The following BRF1 variants were observed in gnomAD, a reference collection of about 807,000 sequenced individuals.
The protein encoded by BRF1 is BRF1 general transcription factor IIIB subunit.
A neutral mutation model predicts 81.7 loss-of-function variants in BRF1; 59 were observed. That is an observed-to-expected ratio of 0.72 (90% CI 0.59 to 0.90). The LOEUF (loss-of-function observed/expected upper bound fraction) is 0.90. Among genes scored for constraint, BRF1 ranks in the 40% least tolerant of loss-of-function variants. The pLI is 0.00. For synonymous variants in BRF1, 491 were observed against 395.6 expected (o/e 1.24, Z -2.86); for missense variants, 1,050 against 936.3 (o/e 1.12, Z -1.58).
chr14:105,211,411 C>CT (rs1020722425), intron 16 of BRF1, 118 bp from the exon 17 acceptor site: 1 of 1,027,718 alleles, frequency 9.7e-7, no homozygotes, highest in Non-Finnish European at 1.4e-6. Flanking sequence ...ACACCAGTGG[C>CT]TCCCGGGGTT....
In BRF1 at chr14:105,253,243, G is replaced by A. The variant is rs3784221; in HGVS notation, c.472-664C>T. 3.3e-3 allele frequency among the ~76,000 whole-genome samples: 504 copies of A among 152,312 alleles called. 3 individuals are homozygous for A. The highest frequency in any genetic ancestry group is 0.014 in the East Asian group (75 of 5,176). ...CCTGTGCACAGCCCTGCCGTGGGCC[G>A]AGTACCCCTAAGGAGCCCTGCTGGC... On this transcript the variant is annotated intron_variant, in intron 4 of 17. Coordinates refer to ENST00000547530, the MANE Select transcript of BRF1 (RefSeq NM_001519.4).
rs1233594611 is a variant in BRF1 at position 105,209,814 on chromosome 14, C to A, written c.*737G>T. The A allele has an allele frequency of 3.9e-6, 2 of 513,374 alleles. No homozygotes were observed. Among genetic ancestry groups the A allele is most frequent in the African/African-American group, 4.0e-5 (2 of 50,086 alleles). 31.8% of individuals were successfully genotyped at this position (513,374 alleles called of 1,614,324 possible). On this transcript the variant is annotated 3_prime_UTR_variant, in exon 18 of 18. Transcript: ENST00000547530. ...TCTCAGCTGTCGGGCACTCAGTTCA[C>A]CTGCCGGCAGCCGCAGGGCTCCTGG...
In BRF1 at chr14:105,271,928, T is replaced by C. The variant is rs1327683594; in HGVS notation, c.439+793A>G. Reference sequence around the variant, plus strand: ...GTCGGCGGCCTCCCCGCCCACCGCCTGCAGTCACGGTGTCCACGCACAAGG... The same window carrying C: ...GTCGGCGGCCTCCCCGCCCACCGCCCGCAGTCACGGTGTCCACGCACAAGG... On this transcript the variant is annotated intron_variant, in intron 3 of 17. Transcript: ENST00000547530. This position sits in a 1 kb window ranked among gnomAD's most constrained non-coding sequence, Gnocchi z 5.5. Among the ~76,000 whole-genome samples the C allele has an allele frequency of 0.03, 333 of 11,086 alleles. 4 individuals carry two copies. The highest frequency in any genetic ancestry group is 0.061 in the South Asian group (14 of 230). 7.3% of individuals were successfully genotyped at this position (11,086 alleles called of 152,430 possible).
At position 105,217,398 on chromosome 14, in the gene BRF1, C is replaced by G. The variant is rs1457335865; in HGVS notation, c.1772+146G>C. The G allele has an allele frequency of 2.3e-6, 3 of 1,306,330 alleles. 1 individual carries two copies. The highest frequency in any genetic ancestry group is 4.5e-5 in the Admixed American group (2 of 44,010). The allele number at this position is 1,306,330 out of a possible 1,614,324, so 80.9% of individuals were successfully genotyped here. On this transcript the variant is annotated intron_variant, in intron 15 of 17. Transcript: ENST00000547530. Reference sequence around the variant, plus strand: ...CTGTCAAGGTGCCGGAGAAGGCCCACCAGTCCCCAGCATGCAGGTGGCAAA... The same window carrying G: ...CTGTCAAGGTGCCGGAGAAGGCCCAGCAGTCCCCAGCATGCAGGTGGCAAA...
intron 5 of BRF1, among the ~76,000 whole-genome samples, chr14:105,245,603 C>G (rs1334873937): frequency 1.3e-5 from 2 of 151,322 alleles, no homozygotes; most frequent in Non-Finnish European, 2.9e-5. Context: ...GACAGGACAG[C>G]ACAGGGCCAG....
chr14:105,298,106 G>A (rs1018277798), intron 1 of BRF1, among the ~76,000 whole-genome samples: 2 of 152,218 alleles, frequency 1.3e-5, no homozygotes, highest in African/African-American at 2.4e-5. Context: ...CAGATTTTTC[G>A]ATTAGGGATG....
chr14:105,248,887 A>G (rs1027288092), intron 5 of BRF1: 1 of 984,612 alleles, frequency 1.0e-6, no homozygotes, highest in Non-Finnish European at 1.2e-6. Flanking sequence ...GCGGAACTCT[A>G]CGCTCCCGCC....
intron 12 of BRF1, chr14:105,219,474 T>G: frequency 1.3e-6 from 1 of 788,166 alleles, no homozygotes; most frequent in East Asian, 2.8e-5. Context: ...CTAGGGCAGC[T>G]TGCAAGCCCT....
At chr14:105,250,298 T>C in intron 5 of BRF1, 1 of 1,613,222 alleles carries the variant, frequency 6.2e-7, no homozygotes, top group Non-Finnish European at 8.5e-7. Flanking sequence ...CAGCATCCAG[T>C]TTGCAGTGGA....
chr14:105,270,322 T>C (rs1256068316), intron 3 of BRF1, among the ~76,000 whole-genome samples: 3 of 151,874 alleles, frequency 2.0e-5, no homozygotes, highest in South Asian at 2.1e-4. Context: ...TACAGGAGCC[T>C]GCCACCACGC....
At chr14:105,247,776 G>T in intron 5 of BRF1, 1 of 985,550 alleles carries the variant, frequency 1.0e-6, no homozygotes, top group Non-Finnish European at 1.2e-6. Context: ...CAGGCCTCTG[G>T]AGCTTCGTCT....
intron 1 of BRF1, among the ~76,000 whole-genome samples, chr14:105,287,480 G>C (rs1472989822): frequency 6.6e-6 from 1 of 151,126 alleles, no homozygotes; most frequent in Non-Finnish European, 1.5e-5. Context: ...ACAAAGCACA[G>C]ACACAGGACT....
intron 1 of BRF1, among the ~76,000 whole-genome samples, chr14:105,299,561 T>C (rs1250579261): frequency 6.6e-6 from 1 of 151,872 alleles, no homozygotes; most frequent in Admixed American, 6.6e-5. Context: ...GGCCACAGAG[T>C]GAGATCCTGT....
intron 3 of BRF1, among the ~76,000 whole-genome samples, chr14:105,261,710 C>T (rs768096839): frequency 2.0e-5 from 3 of 152,250 alleles, no homozygotes; most frequent in South Asian, 2.1e-4. Context: ...TATATAGAGC[C>T]CCACAGAAAG....
At position 105,217,539 on chromosome 14, in the gene BRF1, G is replaced by GGTACCTT. The variant is rs1224110915; in HGVS notation, c.1770_1772+4dup. The GGTACCTT allele has an allele frequency of 3.1e-6, 5 of 1,612,266 alleles. 1 individual carries two copies. Among genetic ancestry groups the GGTACCTT allele is most frequent in the South Asian group, 2.2e-5 (2 of 91,054 alleles). ...CTAACCCAGCCACTCAGGACAGGAT[G>GGTACCTT]GTACCTTTTCCCCACACTGGTCACA... is the stretch of plus-strand genomic sequence containing the variant. On this transcript the variant is annotated splice_donor_region_variant and intron_variant, in intron 15 of 17. Coordinates refer to ENST00000547530, the MANE Select transcript of BRF1 (RefSeq NM_001519.4).
At position 105,217,602 on chromosome 14, in the gene BRF1, G is replaced by A. The variant is rs770411283; in HGVS notation, c.1714C>T (p.Arg572Ter). 8.7e-6 allele frequency: 14 copies of A among 1,613,292 alleles called. No individual in the cohort carries two copies. The highest frequency in any genetic ancestry group is 1.1e-5 in the South Asian group (1 of 91,088). ...CTTCTGCTGGCCGGCGTCCTCCTTC[G>A]TGACAGCTTCCTGGCACTGGCGCTA... ...EHSASARKLS[R>*]RRTPASRSGA... Residue 572 changes from arginine (R) to a stop codon, truncating the protein, a stop_gained, in exon 15 of 18, where the codon CGA (arginine) becomes TGA (stop). Transcript: ENST00000547530. LOFTEE classifies it high-confidence loss of function.
chr14:105,307,841 G>A (rs780803910), intron 1 of BRF1, among the ~76,000 whole-genome samples: 1 of 152,208 alleles, frequency 6.6e-6, no homozygotes, highest in Non-Finnish European at 1.5e-5. Flanking sequence ...TCTGTTCTCC[G>A]CAACTCGAGT....
chr14:105,209,906 C>G lies in BRF1; in HGVS notation c.*645G>C. 3 of 330,134 alleles carry G rather than the reference C, an allele frequency of 9.1e-6. No homozygotes were observed. The highest frequency in any genetic ancestry group is 2.2e-5 in the African/African-American group (1 of 46,160). 20.5% of individuals were successfully genotyped at this position (330,134 alleles called of 1,614,324 possible). A position where few individuals can be genotyped will look rare whatever the true frequency, so the allele number is the denominator to read the frequency against. On this transcript the variant is annotated 3_prime_UTR_variant, in exon 18 of 18. Coordinates refer to ENST00000547530, the MANE Select transcript of BRF1 (RefSeq NM_001519.4). Reference sequence around the variant, plus strand: ...ATGCTGCTCCAGGCGGTGCAGGCAGCGGGGAGGGGGGTCTGGAGGAGGCAG... The same window carrying G: ...ATGCTGCTCCAGGCGGTGCAGGCAGGGGGGAGGGGGGTCTGGAGGAGGCAG...
At chr14:105,307,674 C>G (rs1391174021) in intron 1 of BRF1, among the ~76,000 whole-genome samples, 1 of 152,248 alleles carries the variant, frequency 6.6e-6, no homozygotes, top group Non-Finnish European at 1.5e-5. Context: ...ACCTTCTCAC[C>G]TGCTGCCTGG....
Sources: allele counts gnomAD v4.1 joint callset (sites outside exome capture counted in the v4.1 genomes callset), GRCh38; gene constraint gnomAD v4.1.1; non-coding constraint Gnocchi (gnomAD v3.1); transcripts MANE v1.5; gene names NCBI Gene and HGNC (gene_info 2026-07-23, HGNC 2026-07-21).